The following KCNIP4 variants were observed in gnomAD, a reference collection of about 807,000 sequenced individuals.
KCNIP4 encodes Kv channel-interacting protein 4.
In KCNIP4, 12 loss-of-function variants were observed where a neutral mutation model predicts 34.0. The ratio of observed to expected loss-of-function variants is 0.35; its 90% CI spans 0.23 to 0.57. The LOEUF (loss-of-function observed/expected upper bound fraction) is 0.57, where lower values mean the gene tolerates loss of function less well. Ranked by LOEUF, KCNIP4 falls within the 20% of genes least tolerant of loss-of-function variation. The pLI, the probability that KCNIP4 is intolerant of heterozygous loss-of-function variation, is 0.83. For missense variants in KCNIP4, 238 were observed against 311.7 expected, an observed-to-expected ratio of 0.76 and a Z score of 1.78; for synonymous variants, 124 against 102.2, an observed-to-expected ratio of 1.21 and a Z score of -1.29.
At chr4:20,940,474 C>T (rs919573606) in intron 1 of KCNIP4, among the ~76,000 whole-genome samples, 10 of 152,008 alleles carry the variant, frequency 6.6e-5, no homozygotes, top group Non-Finnish European at 1.0e-4. Flanking sequence ...AATTTTCTTT[C>T]GTTCATGAAA....
chr4:20,913,579 T>C (rs1366298491), intron 1 of KCNIP4, among the ~76,000 whole-genome samples: 1 of 152,160 alleles, frequency 6.6e-6, no homozygotes, highest in Non-Finnish European at 1.5e-5. Flanking sequence ...GCTTATCTAT[T>C]AGGTTCTCTA....
At chr4:21,714,785 G>GATGATTTTATTTTATTTTATTTT (rs1553923853) in intron 1 of KCNIP4, among the ~76,000 whole-genome samples, 2 of 43,388 alleles carry the variant, frequency 4.6e-5, no homozygotes, top group Non-Finnish European at 7.1e-5. Context: ...ATTTCCCTTT[G>GATGATTTTATTTTATTTTATTTT]ATTATTTTAT....
intron 3 of KCNIP4, among the ~76,000 whole-genome samples, chr4:20,779,298 G>A (rs1049983732): frequency 6.6e-6 from 1 of 152,100 alleles, no homozygotes; most frequent in Non-Finnish European, 1.5e-5. Flanking sequence ...GTATAGGCAT[G>A]TTACTGTAAA....
chr4:21,286,550 G>A (rs1763133362), intron 1 of KCNIP4, among the ~76,000 whole-genome samples: 1 of 152,100 alleles, frequency 6.6e-6, no homozygotes. Context: ...TTAAACTATA[G>A]CCAGAAACAT....
intron 1 of KCNIP4, among the ~76,000 whole-genome samples, chr4:21,605,421 T>C (rs1243277179): frequency 1.3e-5 from 2 of 152,210 alleles, no homozygotes; most frequent in African/African-American, 4.8e-5. Context: ...TGCTCTGTCA[T>C]AAAGCTTCTA....
intron 1 of KCNIP4, among the ~76,000 whole-genome samples, chr4:21,151,242 T>C (rs866330213): frequency 6.6e-6 from 1 of 152,086 alleles, no homozygotes; most frequent in Non-Finnish European, 1.5e-5. Flanking sequence ...AATCGAGTCC[T>C]AAGTAACTCT....
At chr4:21,580,195 A>G (rs1165203636) in intron 1 of KCNIP4, among the ~76,000 whole-genome samples, 1 of 152,064 alleles carries the variant, frequency 6.6e-6, no homozygotes, top group Non-Finnish European at 1.5e-5. Context: ...TAAGGAATGA[A>G]TCTTTACTGA....
intron 1 of KCNIP4, among the ~76,000 whole-genome samples, chr4:21,861,827 G>A (rs771893218): frequency 5.9e-5 from 9 of 152,024 alleles, no homozygotes; most frequent in Non-Finnish European, 8.8e-5. Flanking sequence ...CAGCAAACGC[G>A]GGTCAGGTCA....
chr4:21,903,688 T>C (rs958420785), intron 1 of KCNIP4, among the ~76,000 whole-genome samples: 7 of 152,124 alleles, frequency 4.6e-5, no homozygotes, highest in African/African-American at 1.7e-4. Context: ...GGAAAGATAA[T>C]AGGCTATCAT....
At chr4:21,465,092 C>CT (rs1729797056) in intron 1 of KCNIP4, among the ~76,000 whole-genome samples, 1 of 152,126 alleles carries the variant, frequency 6.6e-6, no homozygotes, top group South Asian at 2.1e-4. Flanking sequence ...TGCACATAGC[C>CT]TTTTTTGAGT....
At chr4:20,774,739 C>T (rs1756228201) in intron 3 of KCNIP4, among the ~76,000 whole-genome samples, 2 of 152,122 alleles carry the variant, frequency 1.3e-5, no homozygotes, top group Admixed American at 6.5e-5. Context: ...GGAGATATTG[C>T]TGGGGAAGAG....
intron 1 of KCNIP4, among the ~76,000 whole-genome samples, chr4:21,703,162 GC>G (rs1278913786): frequency 6.6e-6 from 1 of 151,964 alleles, no homozygotes; most frequent in African/African-American, 2.4e-5. Context: ...ATGGTGAAAG[GC>G]TGAATGTTTT....
intron 1 of KCNIP4, among the ~76,000 whole-genome samples, chr4:21,046,635 A>G (rs1487324639): frequency 7.8e-6 from 1 of 127,474 alleles, no homozygotes; most frequent in Non-Finnish European, 1.6e-5. Flanking sequence ...CTTGTTGCTC[A>G]GGCAGGAGTG....
chr4:20,909,115 A>G (rs923514350), intron 1 of KCNIP4, among the ~76,000 whole-genome samples: 1 of 152,244 alleles, frequency 6.6e-6, no homozygotes, highest in Non-Finnish European at 1.5e-5. Context: ...AATATGCTCT[A>G]GATCTGCTAA....
intron 1 of KCNIP4, among the ~76,000 whole-genome samples, chr4:21,119,857 T>C (rs1236384293): frequency 6.6e-6 from 1 of 151,992 alleles, no homozygotes; most frequent in African/African-American, 2.4e-5. Context: ...GGTGCTAGAG[T>C]TGTGTGTGCT....
At chr4:20,998,013 A>G (rs1036774268) in intron 1 of KCNIP4, among the ~76,000 whole-genome samples, 4 of 152,174 alleles carry the variant, frequency 2.6e-5, no homozygotes, top group South Asian at 2.1e-4. Context: ...TAAAATGTGG[A>G]GCTATGCCTT....
intron 1 of KCNIP4, among the ~76,000 whole-genome samples, chr4:21,661,005 GC>G (rs1748406013): frequency 6.6e-6 from 1 of 152,058 alleles, no homozygotes; most frequent in South Asian, 2.1e-4. Context: ...GGCCTGCCAT[GC>G]CCCTATTCTG....
chr4:21,833,215 G>A (rs369184477), intron 1 of KCNIP4, among the ~76,000 whole-genome samples: 5 of 150,670 alleles, frequency 3.3e-5, no homozygotes, highest in East Asian at 2.0e-4. Context: ...CAACAGTGTA[G>A]AAGTGTTCCT....
chr4:21,215,562 C>T (rs192137497), intron 1 of KCNIP4, among the ~76,000 whole-genome samples: 1 of 152,150 alleles, frequency 6.6e-6, no homozygotes, highest in Non-Finnish European at 1.5e-5. Context: ...ACCTGGAACT[C>T]TGTGCATGCT....
Sources: gnomAD v4.1 joint callset for allele counts (sites outside exome capture counted in the v4.1 genomes callset) on GRCh38, gnomAD v4.1.1 for gene constraint, MANE v1.5 for transcripts, NCBI Gene and HGNC (gene_info 2026-07-23, HGNC 2026-07-21) for gene names.